Variants in ASF1B observed in about 807,000 individuals in gnomAD.
ASF1B encodes the protein anti-silencing function 1B histone chaperone.
In ASF1B, 10 loss-of-function variants were observed where a neutral mutation model predicts 16.6. The ratio of observed to expected loss-of-function variants is 0.60; its 90% CI spans 0.37 to 1.02. The LOEUF is 1.02. Among genes scored for constraint, ASF1B ranks in the 50% least tolerant of loss-of-function variants. The pLI is 0.01. For synonymous variants in ASF1B, 101 were observed against 106.2 expected, an observed-to-expected ratio of 0.95 and a Z score of 0.30; for missense variants, 240 against 266.0, an observed-to-expected ratio of 0.90 and a Z score of 0.68.
intron 1 of ASF1B, 44 bp from the exon 2 acceptor site, chr19:14,126,281 G>A: frequency 7.2e-7 from 1 of 1,388,928 alleles, no homozygotes. Flanking sequence ...TAGCTCAACA[G>A]CAAGAAGGCA....
chr19:14,127,537 G>A (rs933060889), intron 1 of ASF1B, among the ~76,000 whole-genome samples: 2 of 152,200 alleles, frequency 1.3e-5, no homozygotes, highest in African/African-American at 4.8e-5. Context: ...AGGTTGCTCA[G>A]GGAGCCAGCC....
At chr19:14,136,227 G>A in intron 1 of ASF1B, 121 bp downstream of exon 1, 2 of 738,874 alleles carry the variant, frequency 2.7e-6, no homozygotes, top group Non-Finnish European at 4.4e-6. Context: ...GGGAGATCGG[G>A]GTTGGCGGAA....
At chr19:14,123,040 C>T (rs1967263290) in intron 2 of ASF1B, among the ~76,000 whole-genome samples, 1 of 152,154 alleles carries the variant, frequency 6.6e-6, no homozygotes, top group South Asian at 2.1e-4. Context: ...CAAACAAGAC[C>T]AGCCACGTAA....
chr19:14,136,290 C>T, intron 1 of ASF1B, 58 bp downstream of exon 1: 1 of 1,511,204 alleles, frequency 6.6e-7, no homozygotes, highest in South Asian at 1.2e-5. Context: ...GAGCGGTTCT[C>T]TGAGGGGAGG....
intron 1 of ASF1B, among the ~76,000 whole-genome samples, chr19:14,132,782 C>T (rs1967425084): frequency 6.6e-6 from 1 of 152,142 alleles, no homozygotes; most frequent in South Asian, 2.1e-4. Context: ...TGCACCACTG[C>T]ACTGTAGCCT....
In ASF1B at chr19:14,136,523, C is replaced by G; in HGVS notation, c.-67G>C. The G allele has an allele frequency of 6.8e-7, 1 of 1,464,774 alleles. No homozygotes were observed. The highest frequency in any genetic ancestry group is 1.4e-5 in the African/African-American group (1 of 72,090). 90.7% of individuals were successfully genotyped at this position (1,464,774 alleles called of 1,614,324 possible). ...CTGTGGCGGAGGCCGCGCCTGGGTC[C>G]GGTGGGGTCAGTGGGGTAGGGCTGA... On this transcript the variant is annotated 5_prime_UTR_variant, in exon 1 of 4. Transcript: ENST00000263382.
At chr19:14,129,829 T>A (rs1967374416) in intron 1 of ASF1B, among the ~76,000 whole-genome samples, 1 of 150,224 alleles carries the variant, frequency 6.7e-6, no homozygotes, top group Non-Finnish European at 1.5e-5. Flanking sequence ...GGTGGATTGC[T>A]TGAGCTCAGA....
At chr19:14,129,125 G>A (rs778990029) in intron 1 of ASF1B, among the ~76,000 whole-genome samples, 2 of 152,120 alleles carry the variant, frequency 1.3e-5, no homozygotes, top group African/African-American at 2.4e-5. Flanking sequence ...GTGGTGGCGC[G>A]TGCCGGTGGT....
At chr19:14,135,805 T>C (rs1319275907) in intron 1 of ASF1B, among the ~76,000 whole-genome samples, 3 of 149,786 alleles carry the variant, frequency 2.0e-5, no homozygotes, top group East Asian at 2.0e-4. Flanking sequence ...AGAGGGAAAA[T>C]GGGAGGTGTG....
At chr19:14,127,398 G>C (rs1445445394) in intron 1 of ASF1B, among the ~76,000 whole-genome samples, 2 of 152,220 alleles carry the variant, frequency 1.3e-5, no homozygotes, top group African/African-American at 4.8e-5. Flanking sequence ...TGGGTGCTGG[G>C]ATAGGAAGCA....
At chr19:14,136,311 C>A in intron 1 of ASF1B, 37 bp downstream of exon 1, 1 of 1,587,018 alleles carries the variant, frequency 6.3e-7, no homozygotes, top group South Asian at 1.1e-5. Flanking sequence ...CCGGGGTCGG[C>A]CCGGGGGTGG....
At chr19:14,129,678 C>CGAAAAA (rs1967369420) in intron 1 of ASF1B, among the ~76,000 whole-genome samples, 1 of 34,622 alleles carries the variant, frequency 2.9e-5, no homozygotes, top group Non-Finnish European at 4.8e-5. Flanking sequence ...CAGCCTCCGT[C>CGAAAAA]AAAAAAAAAA....
At chr19:14,120,770 C>G in intron 3 of ASF1B, 105 bp from the exon 4 acceptor site, 1 of 947,554 alleles carries the variant, frequency 1.1e-6, no homozygotes, top group South Asian at 1.4e-5. Context: ...CAAGAGCAAC[C>G]TACATATGGA....
In ASF1B at chr19:14,123,029, G is replaced by A. The variant is rs550826520; in HGVS notation, c.226-1321C>T. Reference sequence around the variant, plus strand: ...AAGAACAGATTCAGGGTGTACTACTGCAAACAAGACCAGCCACGTAATTGG... The same window carrying A: ...AAGAACAGATTCAGGGTGTACTACTACAAACAAGACCAGCCACGTAATTGG... On this transcript the variant is annotated intron_variant, in intron 2 of 3. Transcript: ENST00000263382. Among the ~76,000 whole-genome samples, 4 of 152,326 alleles carry A rather than the reference G, an allele frequency of 2.6e-5. No individual in the cohort carries two copies. In the East Asian group the frequency reaches 5.8e-4, roughly 22 times the overall value.
rs12608762 is a variant in ASF1B, at chr19:14,135,094, G to C, written c.109+1254C>G. ...CTAAAATTAGCTGGGCGTGGTGACA[G>C]GCGCCTGTAGTCCCAGCTACTCGGG... On this transcript the variant is annotated intron_variant, in intron 1 of 3. Transcript: ENST00000263382. Among the ~76,000 whole-genome samples the C allele has an allele frequency of 0.01, 1,579 of 151,932 alleles. 75 individuals are homozygous for C. The East Asian group carries it at 0.11, about 11-fold the overall frequency.
Position 14,126,197 on chromosome 19 carries a change from A to G in ASF1B, c.150T>C (p.Ser50=), listed in dbSNP as rs559670040. 2 of 1,613,028 alleles carry G rather than the reference A, an allele frequency of 1.2e-6. No individual in the cohort carries two copies. The highest frequency in any genetic ancestry group is 2.7e-5 in the African/African-American group (2 of 74,836). Residue 50 remains serine, a synonymous_variant, in exon 2 of 4, where the codon AGT becomes AGC. Transcript: ENST00000263382. The stretch of plus-strand genomic sequence containing the variant: ...AGTCTAGGATCTGATCAAATTCCTC[A>G]CTCTCAGCCGAGCCAACATAAATGA... The part of the protein sequence containing the change: ...WKIIYVGSAE[S]EEFDQILDSV...
intron 2 of ASF1B, among the ~76,000 whole-genome samples, chr19:14,124,436 C>A (rs575048244): frequency 6.6e-6 from 1 of 152,138 alleles, no homozygotes; most frequent in African/African-American, 2.4e-5. Context: ...AGCCACCACA[C>A]CCGGCCAGAA....
chr19:14,126,542 G>T (rs1221398470), intron 1 of ASF1B, among the ~76,000 whole-genome samples: 1 of 152,032 alleles, frequency 6.6e-6, no homozygotes, highest in African/African-American at 2.4e-5. Flanking sequence ...TGTGATCTTG[G>T]CTCACTGCAA....
In ASF1B at chr19:14,136,562, C is replaced by A; in HGVS notation, c.-106G>T. 1.2e-6 allele frequency: 1 copy of A among 831,418 alleles called. No homozygotes were observed. The highest frequency in any genetic ancestry group is 1.8e-6 in the Non-Finnish European group (1 of 542,502). 51.5% of individuals were successfully genotyped at this position (831,418 alleles called of 1,614,324 possible). On this transcript the variant is annotated 5_prime_UTR_variant, in exon 1 of 4. Transcript: ENST00000263382. ...GGGTAGGGCTGACCAGGTCCACTCC[C>A]GCCTCTTCTCTCCGAGAACTGAAGT...
Sources: gnomAD v4.1 joint callset for allele counts (sites outside exome capture counted in the v4.1 genomes callset) on GRCh38, gnomAD v4.1.1 for gene constraint, MANE v1.5 for transcripts, NCBI Gene and HGNC (gene_info 2026-07-23, HGNC 2026-07-21) for gene names.